The following RIN3 variants were observed in gnomAD, a reference collection of about 807,000 sequenced individuals.
RIN3 encodes Ras and Rab interactor 3, also known as RAB5 interacting protein 3.
RIN3 carries 54 observed loss-of-function variants against 76.3 expected under a neutral mutation model. That is an observed-to-expected ratio of 0.71 (90% CI 0.57 to 0.89). The LOEUF is 0.89. Ranked by LOEUF, RIN3 falls within the 40% of genes least tolerant of loss-of-function variation. The pLI is 0.00. For missense variants in RIN3, 1,256 were observed against 1,322.1 expected, an observed-to-expected ratio of 0.95 and a Z score of 0.78; for synonymous variants, 576 against 564.0, an observed-to-expected ratio of 1.02 and a Z score of -0.30.
At chr14:92,649,876 G>C (rs916752585) in intron 5 of RIN3, among the ~76,000 whole-genome samples, 3 of 152,144 alleles carry the variant, frequency 2.0e-5, no homozygotes, top group Non-Finnish European at 4.4e-5. Context: ...GGACAGGGCT[G>C]GGGGGTGCAC....
At chr14:92,585,120 C>T (rs1884722538) in intron 3 of RIN3, among the ~76,000 whole-genome samples, 1 of 152,196 alleles carries the variant, frequency 6.6e-6, no homozygotes, top group South Asian at 2.1e-4. Flanking sequence ...TCAAGCGATC[C>T]TCCTGCCTTA....
chr14:92,682,033 C>T (rs1036929746), intron 8 of RIN3, among the ~76,000 whole-genome samples: 3 of 152,052 alleles, frequency 2.0e-5, no homozygotes, highest in African/African-American at 7.2e-5. Context: ...ATTACAGGCA[C>T]GTGCCACCAT....
At chr14:92,641,937 T>A (rs1480357087) in intron 5 of RIN3, among the ~76,000 whole-genome samples, 1 of 152,204 alleles carries the variant, frequency 6.6e-6, no homozygotes, top group Non-Finnish European at 1.5e-5. Context: ...CGATGCCAAG[T>A]GCCCTACAAG....
At chr14:92,515,015 A>T in intron 1 of RIN3, 1 of 462,236 alleles carries the variant, frequency 2.2e-6, no homozygotes, top group East Asian at 3.5e-5. Flanking sequence ...TCTGTGAAAC[A>T]GGAGAGTTGG....
intron 1 of RIN3, among the ~76,000 whole-genome samples, chr14:92,523,098 CTTGT>C (rs1168303461): frequency 5.9e-5 from 9 of 152,140 alleles, no homozygotes; most frequent in African/African-American, 1.7e-4. Flanking sequence ...TACATACTAT[CTTGT>C]TTGTTTGTTT....
intron 1 of RIN3, among the ~76,000 whole-genome samples, chr14:92,527,695 G>A (rs1047329220): frequency 2.0e-5 from 3 of 152,182 alleles, no homozygotes; most frequent in Middle Eastern, 3.4e-3. Flanking sequence ...AGACCCCCGC[G>A]TTTCTGCTTC....
intron 6 of RIN3, among the ~76,000 whole-genome samples, chr14:92,657,895 C>T (rs1386425572): frequency 2.0e-5 from 3 of 152,164 alleles, no homozygotes; most frequent in African/African-American, 2.4e-5. Flanking sequence ...GACCCAGCCC[C>T]GTGGGAGCAT....
chr14:92,532,077 T>C (rs1201129525), intron 1 of RIN3, among the ~76,000 whole-genome samples: 2 of 152,004 alleles, frequency 1.3e-5, no homozygotes. Flanking sequence ...TACAGGCGCA[T>C]GCCAGCATGC....
chr14:92,618,201 C>T (rs1461106094), intron 4 of RIN3, among the ~76,000 whole-genome samples: 1 of 152,190 alleles, frequency 6.6e-6, no homozygotes, highest in Non-Finnish European at 1.5e-5. Context: ...AAGTACACCC[C>T]ATAAGTGCAC....
chr14:92,612,029 A>C (rs376909584), intron 3 of RIN3, among the ~76,000 whole-genome samples: 28 of 152,278 alleles, frequency 1.8e-4, no homozygotes, highest in African/African-American at 6.5e-4. Context: ...TGAGAACTCT[A>C]TCAGAGAACA....
intron 2 of RIN3, among the ~76,000 whole-genome samples, chr14:92,572,654 G>C (rs1898094177): frequency 6.6e-6 from 1 of 152,132 alleles, no homozygotes; most frequent in East Asian, 1.9e-4. Flanking sequence ...GGGGAAAATG[G>C]ATGGTCAGTC....
At chr14:92,687,782 G>A (rs945268515) in intron 9 of RIN3, 144 bp from the exon 10 acceptor site, 2 of 707,836 alleles carry the variant, frequency 2.8e-6, no homozygotes, top group Middle Eastern at 4.1e-4. Flanking sequence ...GCTCGCGGCA[G>A]AGACGGGAAA....
intron 1 of RIN3, among the ~76,000 whole-genome samples, chr14:92,546,025 A>C (rs568695197): frequency 4.6e-5 from 7 of 151,780 alleles, no homozygotes; most frequent in African/African-American, 1.7e-4. Flanking sequence ...TCCCGGGTTT[A>C]AGCGATTCTC....
At chr14:92,554,327 G>A (rs998857798) in intron 1 of RIN3, among the ~76,000 whole-genome samples, 8 of 152,074 alleles carry the variant, frequency 5.3e-5, no homozygotes, top group African/African-American at 1.2e-4. Flanking sequence ...CCCTTAAACC[G>A]GACAGAACTG....
intron 1 of RIN3, among the ~76,000 whole-genome samples, chr14:92,522,754 AT>A (rs1242812341): frequency 6.6e-6 from 1 of 152,046 alleles, no homozygotes; most frequent in Non-Finnish European, 1.5e-5. Context: ...TGGCCCCTGA[AT>A]TTTTGCTGGG....
chr14:92,588,473 G>C (rs142023813), intron 3 of RIN3, among the ~76,000 whole-genome samples: 1 of 152,040 alleles, frequency 6.6e-6, no homozygotes, highest in African/African-American at 2.4e-5. Context: ...TGATCCGCCT[G>C]CCTCGGCCTC....
At position 92,623,543 on chromosome 14, in the gene RIN3, A is replaced by G. The variant is rs896745748; in HGVS notation, c.440+8064A>G. Among the ~76,000 whole-genome samples, 1 of 152,176 alleles carries G rather than the reference A, an allele frequency of 6.6e-6. No individual in the cohort carries two copies. The highest frequency in any genetic ancestry group is 6.5e-5 in the Admixed American group (1 of 15,282). ...ATCAGGTACCCCCTGTGGGACTCCAATTTCATCTACATAGACATGAGAGTC... is the reference window on the plus strand; with the variant it reads ...ATCAGGTACCCCCTGTGGGACTCCAGTTTCATCTACATAGACATGAGAGTC... On this transcript the variant is annotated intron_variant, in intron 4 of 9. Coordinates refer to ENST00000216487, the MANE Select transcript of RIN3 (RefSeq NM_024832.5). The surrounding 1 kb of genome is among the most constrained non-coding windows in gnomAD (Gnocchi z 4.9).
intron 3 of RIN3, among the ~76,000 whole-genome samples, chr14:92,603,045 T>C (rs958429106): frequency 6.6e-6 from 1 of 152,190 alleles, no homozygotes; most frequent in Non-Finnish European, 1.5e-5. Context: ...GCAAACTCAC[T>C]ATGCCCTACT....
At chr14:92,535,109 C>T (rs531210349) in intron 1 of RIN3, among the ~76,000 whole-genome samples, 11 of 152,246 alleles carry the variant, frequency 7.2e-5, no homozygotes, top group South Asian at 2.1e-4. Flanking sequence ...TACGATTCCC[C>T]GATCCTCACG....
Sources: allele counts gnomAD v4.1 joint callset (sites outside exome capture counted in the v4.1 genomes callset), GRCh38; gene constraint gnomAD v4.1.1; non-coding constraint Gnocchi (gnomAD v3.1); transcripts MANE v1.5; gene names NCBI Gene and HGNC (gene_info 2026-07-23, HGNC 2026-07-21).